The following SCAI variants were observed in gnomAD, a reference collection of about 807,000 sequenced individuals.
The protein encoded by SCAI is suppressor of cancer cell invasion.
In SCAI, 24 loss-of-function variants were observed where a neutral mutation model predicts 92.2. The ratio of observed to expected loss-of-function variants is 0.26; its 90% CI spans 0.19 to 0.37. The LOEUF is 0.37. Ranked by LOEUF, SCAI falls within the 10% of genes least tolerant of loss-of-function variation. The pLI, the probability that SCAI is intolerant of heterozygous loss-of-function variation, is 1.00. For missense variants in SCAI, 450 were observed against 736.2 expected, an observed-to-expected ratio of 0.61 and a Z score of 4.50; for synonymous variants, 261 against 258.6, an observed-to-expected ratio of 1.01 and a Z score of -0.09.
At chr9:124,996,724 C>A (rs1040976735) in intron 13 of SCAI, among the ~76,000 whole-genome samples, 6 of 151,570 alleles carry the variant, frequency 4.0e-5, no homozygotes, top group African/African-American at 1.5e-4. Context: ...CCGCCTCCCA[C>A]GTTCAGGCAA....
intron 3 of SCAI, among the ~76,000 whole-genome samples, chr9:125,034,360 T>C (rs570193644): frequency 5.3e-5 from 8 of 152,176 alleles, no homozygotes; most frequent in Admixed American, 3.3e-4. Context: ...GTGCCTTCCA[T>C]ATAACAGAAT....
At chr9:125,042,636 C>CGTGTGTGTGTGTGTGT (rs1564390396) in intron 3 of SCAI, among the ~76,000 whole-genome samples, 3 of 61,940 alleles carry the variant, frequency 4.8e-5, no homozygotes, top group African/African-American at 6.5e-5. Flanking sequence ...TGTGTGTGTA[C>CGTGTGTGTGTGTGTGT]ACACACACAC....
At chr9:125,142,580 T>G (rs1835692662) in intron 2 of SCAI, 53 bp downstream of exon 2, 1 of 1,368,138 alleles carries the variant, frequency 7.3e-7, no homozygotes, top group Non-Finnish European at 1.0e-6. Context: ...ACGGCACAGG[T>G]GCAGCCAAGC....
intron 14 of SCAI, among the ~76,000 whole-genome samples, chr9:124,986,398 T>G (rs1428398336): frequency 2.0e-5 from 3 of 152,182 alleles, no homozygotes; most frequent in Non-Finnish European, 4.4e-5. Flanking sequence ...ATAGATGGGT[T>G]TGAGAGCAAG....
chr9:125,030,127 C>T (rs768893918), intron 3 of SCAI, among the ~76,000 whole-genome samples: 7 of 152,200 alleles, frequency 4.6e-5, no homozygotes, highest in South Asian at 2.1e-4. Context: ...ACCTAGAAAT[C>T]GATATGTAGA....
At chr9:125,085,284 C>T (rs185618607) in intron 2 of SCAI, among the ~76,000 whole-genome samples, 22 of 152,044 alleles carry the variant, frequency 1.4e-4, no homozygotes, top group Admixed American at 1.1e-3. Flanking sequence ...GTCAGGGGTT[C>T]GAGACCGGCC....
intron 3 of SCAI, among the ~76,000 whole-genome samples, chr9:125,040,700 C>T (rs1012644115): frequency 1.3e-5 from 2 of 152,114 alleles, no homozygotes; most frequent in Non-Finnish European, 2.9e-5. Flanking sequence ...GATCTTGGCT[C>T]ACCGCAACCT....
chr9:125,027,220 G>T (rs1832981394), intron 5 of SCAI, among the ~76,000 whole-genome samples: 1 of 152,066 alleles, frequency 6.6e-6, no homozygotes, highest in African/African-American at 2.4e-5. Context: ...CCTCTCCCAG[G>T]ACTAGGCCAC....
At chr9:125,106,096 CAAAAAAAAAA>C (rs1168643448) in intron 2 of SCAI, among the ~76,000 whole-genome samples, 5 of 18,780 alleles carry the variant, frequency 2.7e-4, no homozygotes, top group South Asian at 4.4e-3. Context: ...GACTCCATCT[CAAAAAAAAAA>C]AAAAAAAAAA....
At chr9:125,026,135 C>T (rs1333978088) in intron 6 of SCAI, among the ~76,000 whole-genome samples, 1 of 152,176 alleles carries the variant, frequency 6.6e-6, no homozygotes, top group Non-Finnish European at 1.5e-5. Context: ...CTTTGGGAGG[C>T]CAAGGCGGGT....
chr9:125,055,691 T>C (rs1456366137), intron 3 of SCAI, among the ~76,000 whole-genome samples, 185 bp downstream of exon 3: 1 of 152,190 alleles, frequency 6.6e-6, no homozygotes, highest in Non-Finnish European at 1.5e-5. Context: ...TAAGTTATCC[T>C]CTTTTCCTAT....
In SCAI at chr9:124,948,906, A is replaced by T. The variant is rs1310379306; in HGVS notation, c.*3901T>A. The T allele has an allele frequency of 6.6e-6, 1 of 152,202 alleles. No individual in the cohort carries two copies. The highest frequency in any genetic ancestry group is 1.5e-5 in the Non-Finnish European group (1 of 68,028). 9.4% of individuals were successfully genotyped at this position (152,202 alleles called of 1,614,324 possible). A position where few individuals can be genotyped will look rare whatever the true frequency, so the allele number is the denominator to read the frequency against. ...TAAAATTAAATACATTAGGGTTTAA[A>T]TTTTTTTATAAAGGGCAGGTGGTAT... is the stretch of plus-strand genomic sequence containing the variant. On this transcript the variant is annotated 3_prime_UTR_variant, in exon 18 of 18. Coordinates refer to ENST00000336505, the MANE Select transcript of SCAI (RefSeq NM_001144877.3).
At chr9:125,099,073 T>C (rs754438407) in intron 2 of SCAI, among the ~76,000 whole-genome samples, 1 of 152,206 alleles carries the variant, frequency 6.6e-6, no homozygotes, top group African/African-American at 2.4e-5. Flanking sequence ...TGTTGAGATA[T>C]AGAGAAGTGA....
At chr9:125,083,934 C>A (rs376152776) in intron 2 of SCAI, among the ~76,000 whole-genome samples, 1 of 151,796 alleles carries the variant, frequency 6.6e-6, no homozygotes, top group East Asian at 1.9e-4. Context: ...CTGGAGTAGG[C>A]GAGGTGAAGC....
At chr9:125,002,115 T>C (rs1036018426) in intron 11 of SCAI, 72 bp from the exon 12 acceptor site, 3 of 1,047,362 alleles carry the variant, frequency 2.9e-6, no homozygotes, top group African/African-American at 3.1e-5. Context: ...TTAAAGTTCA[T>C]GACATCTTAA....
At chr9:125,127,983 G>A (rs1835312870) in intron 2 of SCAI, among the ~76,000 whole-genome samples, 1 of 151,566 alleles carries the variant, frequency 6.6e-6, no homozygotes, top group African/African-American at 2.4e-5. Flanking sequence ...ACTCCAGCCT[G>A]GCCAACAGAG....
At chr9:124,993,521 C>T (rs556935697) in intron 14 of SCAI, among the ~76,000 whole-genome samples, 1 of 152,084 alleles carries the variant, frequency 6.6e-6, no homozygotes, top group Non-Finnish European at 1.5e-5. Flanking sequence ...ACCTGGGAGG[C>T]GGAGGTTGCA....
intron 9 of SCAI, among the ~76,000 whole-genome samples, chr9:125,008,328 G>A (rs1256211949): frequency 2.0e-5 from 3 of 151,952 alleles, no homozygotes; most frequent in Non-Finnish European, 4.4e-5. Context: ...GTAGAGACAG[G>A]GTTTCACCAT....
intron 9 of SCAI, among the ~76,000 whole-genome samples, chr9:125,004,758 TATATATATATATATATA>T (rs1564374597): frequency 1.6e-3 from 16 of 10,020 alleles, no homozygotes; most frequent in Admixed American, 2.2e-3. Context: ...TATATATATA[TATATATATATATATATA>T]TATATTTTTT....
Sources: gnomAD v4.1 joint callset for allele counts (sites outside exome capture counted in the v4.1 genomes callset) on GRCh38, gnomAD v4.1.1 for gene constraint, MANE v1.5 for transcripts, NCBI Gene and HGNC (gene_info 2026-07-23, HGNC 2026-07-21) for gene names.